The following CA5A variants were observed in gnomAD, a reference collection of about 807,000 sequenced individuals.
CA5A encodes the protein carbonic anhydrase 5A, also known as carbonic anhydrase 5A, mitochondrial.
A neutral mutation model predicts 37.1 loss-of-function variants in CA5A; 28 were observed. The observed-to-expected ratio is 0.75, with a 90% CI of 0.56 to 1.03. The LOEUF is 1.03. Ranked by LOEUF, CA5A falls within the 50% of genes least tolerant of loss-of-function variation. The pLI, the probability that CA5A is intolerant of heterozygous loss-of-function variation, is 0.00. For missense variants in CA5A, 444 were observed against 399.9 expected (o/e 1.11, Z -0.94); for synonymous variants, 171 against 158.4 (o/e 1.08, Z -0.60).
intron 1 of CA5A, among the ~76,000 whole-genome samples, chr16:87,935,093 C>G (rs985275820): frequency 3.9e-5 from 6 of 152,258 alleles, no homozygotes; most frequent in African/African-American, 1.4e-4. Flanking sequence ...GGGGTGAAGA[C>G]CTGCCGAGGC....
intron 3 of CA5A, among the ~76,000 whole-genome samples, chr16:87,904,212 C>T (rs1232438714): frequency 2.0e-5 from 3 of 151,834 alleles, no homozygotes; most frequent in Non-Finnish European, 2.9e-5. Flanking sequence ...CCTGGTGGCA[C>T]GCACCTGTAA....
chr16:87,909,602 C>T (rs530988123), intron 2 of CA5A, among the ~76,000 whole-genome samples: 4 of 152,330 alleles, frequency 2.6e-5, no homozygotes, highest in African/African-American at 9.6e-5. Context: ...CAGGAAGACA[C>T]AGAGGCCTTT....
intron 6 of CA5A, among the ~76,000 whole-genome samples, chr16:87,888,804 T>C (rs1385542199): frequency 1.3e-5 from 2 of 152,080 alleles, no homozygotes; most frequent in African/African-American, 2.4e-5. Flanking sequence ...CAGGCTGGAG[T>C]GTCATTGGCG....
chr16:87,928,756 CTTTGTTTTTTTT>C (rs1388550485), intron 1 of CA5A, among the ~76,000 whole-genome samples: 1,866 of 108,092 alleles, frequency 0.017, 70 homozygotes, highest in African/African-American at 0.063. Flanking sequence ...ATTTTCTTTT[CTTTGTTTTTTTT>C]TTTTTTTTTT....
intron 5 of CA5A, among the ~76,000 whole-genome samples, chr16:87,899,588 C>A (rs185130323): frequency 6.6e-6 from 1 of 150,386 alleles, no homozygotes; most frequent in Non-Finnish European, 1.5e-5. Flanking sequence ...CAGGCGTGAG[C>A]CACCGCACCC....
chr16:87,926,616 C>G lies in CA5A; in HGVS notation c.340+132G>C, dbSNP rs142058555. 1.6e-3 allele frequency: 1,147 copies of G among 708,182 alleles called. 10 individuals carry two copies. In the African/African-American group the frequency reaches 0.018, roughly 11 times the overall value. The allele number at this position is 708,182 out of a possible 1,614,324, so 43.9% of individuals were successfully genotyped here. The stretch of plus-strand genomic sequence containing the variant: ...CAGGTGTGTCCTCCCTCAAGCGAGT[C>G]TCTGTCCCTGCCCCAGCAGCACAAG... On this transcript the variant is annotated intron_variant, in intron 2 of 6. Transcript: ENST00000649794.
intron 3 of CA5A, among the ~76,000 whole-genome samples, chr16:87,903,137 G>C (rs2055905403): frequency 6.6e-6 from 1 of 151,686 alleles, no homozygotes; most frequent in South Asian, 2.1e-4. Context: ...ATTACCAGAA[G>C]AAACTCAGGC....
chr16:87,927,612 A>G (rs1333555784), intron 1 of CA5A, among the ~76,000 whole-genome samples: 1 of 152,222 alleles, frequency 6.6e-6, no homozygotes, highest in Non-Finnish European at 1.5e-5. Context: ...CTGTAATCCC[A>G]GCATTTTCGG....
intron 1 of CA5A, among the ~76,000 whole-genome samples, chr16:87,927,810 G>A (rs191705020): frequency 5.4e-5 from 8 of 149,306 alleles, no homozygotes; most frequent in Admixed American, 4.0e-4. Flanking sequence ...GTAGTGAGCC[G>A]AGATCGCGCC....
At position 87,888,292 on chromosome 16, in the gene CA5A, G is replaced by C. The variant is rs916621113; in HGVS notation, c.775-20C>G. On this transcript the variant is annotated intron_variant, in intron 6 of 6. Coordinates refer to ENST00000649794, the MANE Select transcript of CA5A (RefSeq NM_001739.2). ...AGAGAGCTGGAATAGAGGGCAGCCA[G>C]GGTGAGCTTGGTATGAGTGCAGGGT... The C allele has an allele frequency of 5.0e-6, 8 of 1,604,928 alleles. No individual in the cohort carries two copies. The South Asian group carries it at 7.8e-5, about 16-fold the overall frequency.
At chr16:87,916,032 GA>G (rs1223511837) in intron 2 of CA5A, among the ~76,000 whole-genome samples, 8 of 152,074 alleles carry the variant, frequency 5.3e-5, no homozygotes, top group African/African-American at 1.9e-4. Flanking sequence ...CCAAGAGACA[GA>G]ATGAGAACCA....
chr16:87,898,442 A>G (rs1293184554), intron 5 of CA5A, among the ~76,000 whole-genome samples: 1 of 152,224 alleles, frequency 6.6e-6, no homozygotes, highest in Non-Finnish European at 1.5e-5. Context: ...AGCATTTTCC[A>G]TCACAAGGCC....
chr16:87,895,966 C>T (rs57132660), intron 5 of CA5A, among the ~76,000 whole-genome samples: 25,670 of 152,036 alleles, frequency 0.17, 2,320 homozygotes, highest in South Asian at 0.27. Flanking sequence ...GGCGGGTGTG[C>T]AGTGAGACAT....
chr16:87,890,892 T>A (rs1432793420), intron 6 of CA5A, among the ~76,000 whole-genome samples: 1 of 152,076 alleles, frequency 6.6e-6, no homozygotes, highest in Non-Finnish European at 1.5e-5. Context: ...CCTCCCGGCT[T>A]CAAGTTATTC....
downstream of CA5A, chr16:87,884,836 G>C (rs949085206): frequency 2.0e-5 from 3 of 152,134 alleles, no homozygotes; most frequent in African/African-American, 7.2e-5. Context: ...GCACCTATTG[G>C]CTTGTGTAAC....
At chr16:87,896,399 G>C (rs1299151885) in intron 5 of CA5A, among the ~76,000 whole-genome samples, 1 of 152,324 alleles carries the variant, frequency 6.6e-6, no homozygotes, top group Admixed American at 6.5e-5. Flanking sequence ...ATGCATGAGG[G>C]CTGGAGCAGC....
At chr16:87,917,924 G>A (rs1341669979) in intron 2 of CA5A, among the ~76,000 whole-genome samples, 4 of 152,210 alleles carry the variant, frequency 2.6e-5, no homozygotes, top group Admixed American at 6.5e-5. Context: ...GGATATAAGC[G>A]TGATGCTCAC....
At chr16:87,889,263 C>A (rs1473547966) in intron 6 of CA5A, among the ~76,000 whole-genome samples, 1 of 151,930 alleles carries the variant, frequency 6.6e-6, no homozygotes, top group African/African-American at 2.4e-5. Context: ...CCATGTTGGT[C>A]AGGCTGGTCT....
intron 2 of CA5A, among the ~76,000 whole-genome samples, chr16:87,926,457 G>A (rs1187485161): frequency 1.4e-4 from 21 of 152,178 alleles, no homozygotes; most frequent in Admixed American, 1.4e-3. Flanking sequence ...CCTCCCACCC[G>A]CTGCAAGGCG....
Sources: gnomAD v4.1 joint callset for allele counts (sites outside exome capture counted in the v4.1 genomes callset) on GRCh38, gnomAD v4.1.1 for gene constraint, MANE v1.5 for transcripts, NCBI Gene and HGNC (gene_info 2026-07-23, HGNC 2026-07-21) for gene names.